The following BRME1 variants were observed in gnomAD, a reference collection of about 807,000 sequenced individuals.
BRME1 encodes BRCA2 and MEILB2-associating protein 1.
In BRME1, 31 loss-of-function variants were observed where a neutral mutation model predicts 52.6. The ratio of observed to expected loss-of-function variants is 0.59; its 90% CI spans 0.44 to 0.80. The LOEUF is 0.80. BRME1 is among the 30% of genes least tolerant of loss of function. BRME1 has a pLI of 0.00. For missense variants in BRME1, 804 were observed against 860.3 expected (o/e 0.93, Z 0.82); for synonymous variants, 359 against 353.6 (o/e 1.02, Z -0.17).
chr19:13,902,790 T>C (rs968550975), intron 2 of BRME1, among the ~76,000 whole-genome samples: 1 of 151,508 alleles, frequency 6.6e-6, no homozygotes, highest in African/African-American at 2.4e-5. Flanking sequence ...CTCAGCATGG[T>C]GGTGGGTGCC....
chr19:13,892,868 G>A lies in BRME1; in HGVS notation c.311C>T (p.Pro104Leu), dbSNP rs1255991009. 1 of 1,613,916 alleles carries A rather than the reference G, an allele frequency of 6.2e-7. No homozygotes were observed. Among genetic ancestry groups the A allele is most frequent in the Non-Finnish European group, 8.5e-7 (1 of 1,179,802 alleles). ...PSQNSFGRFVPQFAKSRKTVT... is the reference protein window; with the variant it reads ...PSQNSFGRFVLQFAKSRKTVT... ...TGTCTTCCTGGATTTTGCAAACTGG[G>A]GAACAAACCTCCCGAATGAGTTCTG... Residue 104 changes from proline (P) to leucine (L), a missense_variant, in exon 5 of 9, where the codon CCC becomes CTC. This residue lies in a region of BRME1 where 234 missense variants were observed against 258.1 expected (regional missense o/e 0.91). Transcript: ENST00000586783.
rs142863596 is a variant in BRME1 at position 13,890,280 on chromosome 19, A to G, written c.576T>C (p.Asp192=). The G allele has an allele frequency of 2.5e-6, 4 of 1,612,896 alleles. No homozygotes were observed. In the African/African-American group the frequency reaches 5.3e-5, roughly 22 times the overall value. The change falls in exon 6 of 9, where the codon GAT becomes GAC. Residue 192 remains aspartate (D), a synonymous_variant. Transcript: ENST00000586783. ...AVPGSGDSQP[D]DPPDRGTGLS... ...ACCCCGTCCCCCTGTCTGGAGGGTC[A>G]TCAGGCTGAGAATCCCCACTGCCGG...
In BRME1 at chr19:13,889,688, G is replaced by A. The variant is rs1969319533; in HGVS notation, c.1168C>T (p.Leu390Phe). The change falls in exon 6 of 9, where the codon CTC becomes TTC. Residue 390 changes from leucine to phenylalanine, a missense_variant. By Grantham distance (22) the Leu-to-Phe change is conservative. This residue lies in a region of BRME1 where 552 missense variants were observed against 561.1 expected (regional missense o/e 0.98). Transcript: ENST00000586783. ...CTTTCTCCTGTGGTTTCCCCAGTGA[G>A]CGAGGTGCAGCCTGGCAAGGCCCTC... Reference protein sequence around the residue: ...HRRALPGCTSLTGETTGESGE... With the variant: ...HRRALPGCTSFTGETTGESGE... 2 of 1,609,940 alleles carry A rather than the reference G, an allele frequency of 1.2e-6. No individual in the cohort carries two copies. Among genetic ancestry groups the A allele is most frequent in the Non-Finnish European group, 1.7e-6 (2 of 1,178,700 alleles).
Position 13,883,015 on chromosome 19 carries a change from C to T in BRME1, c.1857-63G>A, listed in dbSNP as rs966046726. 57 of 1,563,738 alleles carry T rather than the reference C, an allele frequency of 3.6e-5. No homozygotes were observed. Among genetic ancestry groups the T allele is most frequent in the Non-Finnish European group, 4.2e-5 (48 of 1,155,362 alleles). ...GGTCACCAGGTGACAGAGGGGGCCG[C>T]GCCTCACAGCCACATGGTCACCAAT... On this transcript the variant is annotated intron_variant, in intron 8 of 8. Transcript: ENST00000586783. This position sits in a 1 kb window ranked among gnomAD's most constrained non-coding sequence, Gnocchi z 4.2.
At position 13,882,570 on chromosome 19, in the gene BRME1, G is replaced by A; in HGVS notation, c.*232C>T. 1.7e-6 allele frequency: 1 copy of A among 574,622 alleles called. No individual in the cohort carries two copies. Among genetic ancestry groups the A allele is most frequent in the Non-Finnish European group, 3.0e-6 (1 of 330,344 alleles). 35.6% of individuals were successfully genotyped at this position (574,622 alleles called of 1,614,324 possible). On this transcript the variant is annotated 3_prime_UTR_variant, in exon 9 of 9. Coordinates refer to ENST00000586783, the MANE Select transcript of BRME1 (RefSeq NM_001345843.2). ...GAGCCCAGGCCCGCTTGAAGTCACT[G>A]GGGCTGTGGGAGACACAGTTTCCCT...
At chr19:13,889,163 G>A (rs1445757691) in intron 6 of BRME1, 25 bp downstream of exon 6, 5 of 1,530,122 alleles carry the variant, frequency 3.3e-6, no homozygotes, top group Middle Eastern at 1.8e-4. Flanking sequence ...GGGCAGGTAT[G>A]TCTGTCACTC....
intron 3 of BRME1, among the ~76,000 whole-genome samples, chr19:13,895,040 A>C (rs916831668): frequency 2.6e-5 from 4 of 151,880 alleles, no homozygotes; most frequent in Non-Finnish European, 5.9e-5. Context: ...CACCACACCC[A>C]GCTAATTTTT....
intron 2 of BRME1, 137 bp from the exon 3 acceptor site, chr19:13,895,683 A>C: frequency 1.4e-6 from 1 of 710,206 alleles, no homozygotes; most frequent in Non-Finnish European, 2.4e-6. Context: ...CGGGGTCCCA[A>C]GTGCCTGTAA....
At position 13,905,903 on chromosome 19, in the gene BRME1, GCGCTGTAGACCC is replaced by G. The variant is rs2145269741; in HGVS notation, c.-222_-211del. 6.6e-6 allele frequency: 1 copy of G among 152,286 alleles called. No individual in the cohort carries two copies. Among genetic ancestry groups the G allele is most frequent in the African/African-American group, 2.4e-5 (1 of 41,564 alleles). The allele number at this position is 152,286 out of a possible 1,614,324, so 9.4% of individuals were successfully genotyped here. ...GAAAGATGGAAAGGCCTGAGGGTGG[GCGCTGTAGACCC>G]CGCTCCCGGTGACAAGCCCCACACT... On this transcript the variant is annotated 5_prime_UTR_variant, in exon 1 of 9. Transcript: ENST00000586783.
intron 1 of BRME1, 138 bp from the exon 2 acceptor site, chr19:13,905,051 C>T (rs1296802462): frequency 2.2e-5 from 15 of 675,552 alleles, no homozygotes; most frequent in Non-Finnish European, 1.6e-5. Context: ...ATGGCTCCCA[C>T]TGGGACACAG....
At position 13,889,730 on chromosome 19, in the gene BRME1, C is replaced by T. The variant is rs771802249; in HGVS notation, c.1126G>A (p.Ala376Thr). 6.2e-6 allele frequency: 10 copies of T among 1,607,854 alleles called. No homozygotes were observed. In the South Asian group the frequency reaches 9.9e-5, roughly 16 times the overall value. Residue 376 changes from alanine to threonine, a missense_variant, in exon 6 of 9, where the codon GCT becomes ACT. By Grantham distance (58) the Ala-to-Thr change is moderately conservative (BLOSUM62 0). Coordinates refer to ENST00000586783, the MANE Select transcript of BRME1 (RefSeq NM_001345843.2). ...ISPASPRRKAADGGHRRALPG... is the reference protein window; with the variant it reads ...ISPASPRRKATDGGHRRALPG... Reference sequence around the variant, plus strand: ...AAGGCCCTCCTGTGGCCTCCATCAGCGGCCTTCCTCCTGGGAGAGGCAGGT... The same window carrying T: ...AAGGCCCTCCTGTGGCCTCCATCAGTGGCCTTCCTCCTGGGAGAGGCAGGT...
At position 13,890,336 on chromosome 19, in the gene BRME1, G is replaced by A. The variant is rs777843924; in HGVS notation, c.520C>T (p.Gln174Ter). The A allele has an allele frequency of 5.6e-6, 9 of 1,594,580 alleles. No homozygotes were observed. Among genetic ancestry groups the A allele is most frequent in the East Asian group, 2.2e-5 (1 of 44,810 alleles). Residue 174 changes from glutamine (Q) to a stop codon, truncating the protein, a stop_gained, in exon 6 of 9, where the codon CAG becomes TAG. Coordinates refer to ENST00000586783, the MANE Select transcript of BRME1 (RefSeq NM_001345843.2). LOFTEE classifies it high-confidence loss of function. ...GCCTGCACAGGGCTCTGGCTGCTCT[G>A]CTCAGGGCGGGCACTGTCTGCCTGC... ...PTQADSARPEQSSQSPVQAVP... is the reference protein window; with the variant it reads ...PTQADSARPE
At chr19:13,895,609 C>G (rs1969833089) in intron 2 of BRME1, 63 bp from the exon 3 acceptor site, 1 of 1,445,830 alleles carries the variant, frequency 6.9e-7, no homozygotes, top group Non-Finnish European at 9.5e-7. Flanking sequence ...TGGCTGACAA[C>G]TCAGGTCTCC....
intron 5 of BRME1, 95 bp downstream of exon 5, chr19:13,892,691 T>C (rs889663469): frequency 1.1e-6 from 1 of 946,116 alleles, no homozygotes; most frequent in Admixed American, 2.0e-5. Context: ...GGCCTCACCA[T>C]TGCCAAAGAA....
chr19:13,896,219 G>A lies in BRME1; in HGVS notation c.32-673C>T, dbSNP rs538237179. On this transcript the variant is annotated intron_variant, in intron 2 of 8. Coordinates refer to ENST00000586783, the MANE Select transcript of BRME1 (RefSeq NM_001345843.2). ...TGGTAGGCGGAAGTTGCAGTGAGCT[G>A]AGATTGCGCTACTGCACTCCAGCCT... Among the ~76,000 whole-genome samples the A allele has an allele frequency of 2.1e-4, 32 of 151,722 alleles. 1 individual carries two copies. The highest frequency in any genetic ancestry group is 6.5e-4 in the African/African-American group (27 of 41,430).
In BRME1 at chr19:13,890,178, C is replaced by G. The variant is rs939620339; in HGVS notation, c.678G>C (p.Arg226Ser). 3.1e-6 allele frequency: 5 copies of G among 1,614,100 alleles called. No homozygotes were observed. The highest frequency in any genetic ancestry group is 2.7e-5 in the African/African-American group (2 of 74,928). The change falls in exon 6 of 9, where the codon AGG (arginine) becomes AGC (serine). Residue 226 changes from arginine (R) to serine (S), a missense_variant. Physicochemically the swap from Arg to Ser is moderately radical, Grantham distance 110. Around this residue, in one of 3 missense-constraint regions of BRME1, gnomAD observed 18 missense variants for 41.1 expected, o/e 0.44. Transcript: ENST00000586783. ...GADDSKPETD[R>S]VPGDGGQKEH... is the part of the protein sequence containing the mutation. Reference sequence around the variant, plus strand: ...CCTTTTGGCCACCGTCACCTGGAACCCTGTCTGTCTCAGGCTTGCTGTCAT... The same window carrying G: ...CCTTTTGGCCACCGTCACCTGGAACGCTGTCTGTCTCAGGCTTGCTGTCAT...
chr19:13,894,781 TAAGG>T (rs1969761328), intron 3 of BRME1, among the ~76,000 whole-genome samples: 1 of 152,152 alleles, frequency 6.6e-6, no homozygotes, highest in Non-Finnish European at 1.5e-5. Flanking sequence ...CCTTCTTGAT[TAAGG>T]AAGAGGAGGA....
At chr19:13,890,485 C>T in intron 5 of BRME1, 23 bp from the exon 6 acceptor site, 2 of 1,456,556 alleles carry the variant, frequency 1.4e-6, no homozygotes, top group Non-Finnish European at 9.0e-7. Flanking sequence ...AAAGACTCAG[C>T]CCCGGGGCCT....
intron 3 of BRME1, 49 bp from the exon 4 acceptor site, chr19:13,893,272 C>T: frequency 6.7e-7 from 1 of 1,494,662 alleles, no homozygotes; most frequent in Non-Finnish European, 9.1e-7. Flanking sequence ...GGTGCGGTGG[C>T]TCACACCTGT....
Sources: gnomAD v4.1 joint callset for allele counts (sites outside exome capture counted in the v4.1 genomes callset) on GRCh38, gnomAD v4.1.1 for gene constraint, gnomAD v4.1.1 regional missense constraint, Gnocchi (gnomAD v3.1) non-coding constraint, MANE v1.5 for transcripts, NCBI Gene and HGNC (gene_info 2026-07-23, HGNC 2026-07-21) for gene names.